MEMO1: variants seen among roughly 807,000 people sequenced by gnomAD.
The protein encoded by MEMO1 is protein MEMO1.
MEMO1 carries 6 observed loss-of-function variants against 45.2 expected under a neutral mutation model. That is an observed-to-expected ratio of 0.13 (90% confidence interval 0.07 to 0.26). The LOEUF (loss-of-function observed/expected upper bound fraction) is 0.26, where lower values mean the gene tolerates loss of function less well. MEMO1 is among the 10% of genes least tolerant of loss of function. MEMO1 has a pLI of 1.00. For missense variants in MEMO1, 184 were observed against 370.5 expected, an observed-to-expected ratio of 0.50 and a Z score of 4.13; for synonymous variants, 78 against 124.3, an observed-to-expected ratio of 0.63 and a Z score of 2.48.
Position 31,933,345 on chromosome 2 carries a change from AAAAATTT to A in MEMO1, c.144-1217_144-1211del, listed in dbSNP as rs1558514221. ...AAAAAAAAAAAAAAAAAAAAAAAAA[AAAAATTT>A]ATATATATATATATATATATATATA... is the stretch of plus-strand genomic sequence containing the variant. On this transcript the variant is annotated intron_variant, in intron 3 of 9. Coordinates refer to ENST00000404530, the MANE Select transcript of MEMO1 (RefSeq NM_001301833.4). Among the ~76,000 whole-genome samples, 67 of 34,080 alleles carry A rather than the reference AAAAATTT, an allele frequency of 2.0e-3. 1 individual carries two copies. The highest frequency in any genetic ancestry group is 7.7e-3 in the African/African-American group (62 of 8,084). 22.4% of individuals were successfully genotyped at this position (34,080 alleles called of 152,430 possible).
chr2:31,982,827 G>A (rs1670810692), intron 2 of MEMO1, among the ~76,000 whole-genome samples: 1 of 151,990 alleles, frequency 6.6e-6, no homozygotes, highest in Admixed American at 6.6e-5. Flanking sequence ...ATGGTGGGTG[G>A]GAGCCAGGTT....
At chr2:31,893,335 G>C (rs1677226976) in intron 6 of MEMO1, 1 of 1,164,392 alleles carries the variant, frequency 8.6e-7, no homozygotes, top group Non-Finnish European at 1.1e-6. Context: ...TGGAGTAAGA[G>C]AAAAAAAGGA....
chr2:31,981,547 C>T (rs957565075), intron 2 of MEMO1, among the ~76,000 whole-genome samples: 5 of 152,110 alleles, frequency 3.3e-5, no homozygotes, highest in East Asian at 1.9e-4. Context: ...TTTATTAATC[C>T]TATATTCAAA....
chr2:31,932,010 T>C, intron 4 of MEMO1, 57 bp downstream of exon 4: 3 of 1,475,562 alleles, frequency 2.0e-6, no homozygotes, highest in Non-Finnish European at 2.8e-6. Flanking sequence ...ATTACTTCTA[T>C]AACAAAGCAA....
chr2:31,988,269 A>G (rs1212380365), intron 2 of MEMO1, among the ~76,000 whole-genome samples: 3 of 152,182 alleles, frequency 2.0e-5, no homozygotes, highest in African/African-American at 7.2e-5. Context: ...ACATTGGGCC[A>G]GGCATGGTAG....
At chr2:31,905,975 A>ATT (rs964543084) in intron 6 of MEMO1, among the ~76,000 whole-genome samples, 21 of 144,244 alleles carry the variant, frequency 1.5e-4, no homozygotes, top group African/African-American at 5.1e-4. Context: ...TTTTTTCTTT[A>ATT]TTTTTTTTTT....
intron 2 of MEMO1, among the ~76,000 whole-genome samples, chr2:32,007,784 A>T (rs546913687): frequency 6.6e-6 from 1 of 152,346 alleles, no homozygotes; most frequent in South Asian, 2.1e-4. Context: ...CAATGTAGGT[A>T]CACTGACAAA....
chr2:31,967,968 A>G (rs1451659155), intron 2 of MEMO1, among the ~76,000 whole-genome samples: 2 of 152,162 alleles, frequency 1.3e-5, no homozygotes, highest in Non-Finnish European at 2.9e-5. Flanking sequence ...TGACCAACAT[A>G]CTTAGATAAT....
intron 6 of MEMO1, among the ~76,000 whole-genome samples, chr2:31,901,629 A>AG (rs1412452240): frequency 6.6e-6 from 1 of 151,982 alleles, no homozygotes; most frequent in African/African-American, 2.4e-5. Flanking sequence ...TGTTCTGGCC[A>AG]GGCATGGTGG....
At chr2:31,915,177 C>A (rs1681245213) in intron 6 of MEMO1, among the ~76,000 whole-genome samples, 2 of 151,946 alleles carry the variant, frequency 1.3e-5, no homozygotes, top group African/African-American at 4.8e-5. Context: ...ACTCAAGGAG[C>A]CTCATTCACA....
chr2:31,985,930 A>G (rs1269296061), intron 2 of MEMO1, among the ~76,000 whole-genome samples: 2 of 152,062 alleles, frequency 1.3e-5, no homozygotes, highest in Admixed American at 1.3e-4. Flanking sequence ...GGAGTTCAAG[A>G]CCAGCCTGAT....
intron 7 of MEMO1, among the ~76,000 whole-genome samples, chr2:31,889,363 T>C (rs1676618364): frequency 6.6e-6 from 1 of 152,114 alleles, no homozygotes; most frequent in Admixed American, 6.6e-5. Context: ...CTGTGAAATT[T>C]AGAAGTCAGT....
In MEMO1 at chr2:31,932,155, T is replaced by C; in HGVS notation, c.144-20A>G. On this transcript the variant is annotated intron_variant, in intron 3 of 9. Transcript: ENST00000404530. ...GCATGGCTACAAAACAAAATATTTT[T>C]AAACTTAATCATCAGATTCAAAATC... The C allele has an allele frequency of 6.2e-7, 1 of 1,603,934 alleles. No homozygotes were observed.
chr2:32,000,287 T>C (rs187615437), intron 2 of MEMO1, among the ~76,000 whole-genome samples: 1 of 151,850 alleles, frequency 6.6e-6, no homozygotes, highest in East Asian at 1.9e-4. Flanking sequence ...TGGAGTGCAG[T>C]GGTGCGATCT....
intron 3 of MEMO1, among the ~76,000 whole-genome samples, chr2:31,939,100 T>C (rs1027602589): frequency 5.7e-5 from 4 of 70,698 alleles, no homozygotes; most frequent in Non-Finnish European, 1.1e-4. Context: ...AAAGATTTGT[T>C]TTCTACCTCA....
intron 8 of MEMO1, among the ~76,000 whole-genome samples, chr2:31,881,129 T>C (rs1675297849): frequency 6.6e-6 from 1 of 152,060 alleles, no homozygotes; most frequent in South Asian, 2.1e-4. Flanking sequence ...CTGTACTCCT[T>C]AGCTAGGTAA....
Position 31,925,492 on chromosome 2 carries a change from A to AAAAAAAAAAAAAAG in MEMO1, c.213-4583_213-4582insCTTTTTTTTTTTTT, listed in dbSNP as rs1558507956. On this transcript the variant is annotated intron_variant, in intron 4 of 9. Coordinates refer to ENST00000404530, the MANE Select transcript of MEMO1 (RefSeq NM_001301833.4). ...CTCCGTCTCAAAAAAAAAAAAAAAA[A>AAAAAAAAAAAAAAG]AAAAAAATCTGTTCCCGGAGATACT... Among the ~76,000 whole-genome samples the AAAAAAAAAAAAAAG allele has an allele frequency of 2.0e-4, 27 of 133,936 alleles. 1 individual carries two copies. The highest frequency in any genetic ancestry group is 6.4e-4 in the African/African-American group (25 of 38,918). 87.9% of individuals were successfully genotyped at this position (133,936 alleles called of 152,430 possible). A position where few individuals can be genotyped will look rare whatever the true frequency, so the allele number is the denominator to read the frequency against.
intron 8 of MEMO1, among the ~76,000 whole-genome samples, chr2:31,882,528 A>C (rs1170704432): frequency 1.3e-5 from 2 of 152,190 alleles, no homozygotes; most frequent in Non-Finnish European, 2.9e-5. Flanking sequence ...GGAAAAAAAA[A>C]GTAGTTCCAA....
chr2:31,871,153 AC>A (rs1457692225), intron 8 of MEMO1, among the ~76,000 whole-genome samples: 3 of 152,216 alleles, frequency 2.0e-5, no homozygotes, highest in African/African-American at 7.2e-5. Flanking sequence ...AATTATACAT[AC>A]ACCAATTATA....
Sources: gnomAD v4.1 joint callset for allele counts (sites outside exome capture counted in the v4.1 genomes callset) on GRCh38, gnomAD v4.1.1 for gene constraint, MANE v1.5 for transcripts, NCBI Gene and HGNC (gene_info 2026-07-23, HGNC 2026-07-21) for gene names.